Variants in LPAR1 observed in about 807,000 individuals in gnomAD.
The protein encoded by LPAR1 is lysophosphatidic acid receptor 1, also known as LPA receptor 1.
In LPAR1, 5 loss-of-function variants were observed where a neutral mutation model predicts 23.8. That is an observed-to-expected ratio of 0.21 (90% confidence interval 0.11 to 0.44). The LOEUF (loss-of-function observed/expected upper bound fraction) is 0.44, where lower values mean the gene tolerates loss of function less well. LPAR1 is among the 20% of genes least tolerant of loss of function. LPAR1 has a pLI of 0.99. For missense variants in LPAR1, 311 were observed against 482.8 expected (o/e 0.64, Z 3.33); for synonymous variants, 160 against 164.7 (o/e 0.97, Z 0.22).
chr9:110,916,633 C>T (rs1345179985), intron 5 of LPAR1, among the ~76,000 whole-genome samples: 1 of 151,938 alleles, frequency 6.6e-6, no homozygotes, highest in African/African-American at 2.4e-5. Context: ...TTGGGTTGGC[C>T]ATACTTTTTT....
intron 2 of LPAR1, among the ~76,000 whole-genome samples, chr9:111,001,541 A>G (rs1188360321): frequency 6.6e-6 from 1 of 152,198 alleles, no homozygotes; most frequent in African/African-American, 2.4e-5. Flanking sequence ...AAAAGGAAAA[A>G]TATACCTAAT....
chr9:111,010,664 C>T (rs1057065815), intron 2 of LPAR1, among the ~76,000 whole-genome samples: 5 of 152,024 alleles, frequency 3.3e-5, no homozygotes, highest in Admixed American at 6.6e-5. Context: ...TTTTTTGGTA[C>T]CCTACCCTTG....
intron 2 of LPAR1, among the ~76,000 whole-genome samples, chr9:110,989,326 G>C (rs1413723058): frequency 2.0e-5 from 3 of 152,118 alleles, no homozygotes; most frequent in Admixed American, 6.6e-5. Context: ...TGGGAATACA[G>C]GCACATGCCA....
chr9:110,984,803 G>GA (rs574292244), intron 2 of LPAR1, among the ~76,000 whole-genome samples: 18,181 of 142,646 alleles, frequency 0.13, 1,167 homozygotes, highest in Middle Eastern at 0.16. Flanking sequence ...TAACTAATAG[G>GA]AAAAAAAAAA....
chr9:111,013,811 C>T (rs534793600), intron 2 of LPAR1, among the ~76,000 whole-genome samples: 1 of 152,246 alleles, frequency 6.6e-6, no homozygotes, highest in African/African-American at 2.4e-5. Context: ...TTGCAAACAA[C>T]TCAATCATCA....
intron 4 of LPAR1, among the ~76,000 whole-genome samples, chr9:110,964,295 A>C (rs1564184592): frequency 6.6e-6 from 1 of 151,718 alleles, no homozygotes; most frequent in East Asian, 1.9e-4. Context: ...TTTTTAAAAA[A>C]TAAAAATAAA....
rs895702351 is a variant in LPAR1 at position 110,874,666 on chromosome 9, A to G, written c.*755T>C. 1.3e-5 allele frequency: 2 copies of G among 152,642 alleles called. No individual in the cohort carries two copies. The highest frequency in any genetic ancestry group is 4.8e-5 in the African/African-American group (2 of 41,452). The allele number at this position is 152,642 out of a possible 1,614,324, so 9.5% of individuals were successfully genotyped here. A position where few individuals can be genotyped will look rare whatever the true frequency, so the allele number is the denominator to read the frequency against. On this transcript the variant is annotated 3_prime_UTR_variant, in exon 6 of 6. Transcript: ENST00000683809. ...CTTCTATGACTTTTTTGGAATACAT[A>G]TCACTTTGGTAATAAACTTACATTC...
intron 2 of LPAR1, among the ~76,000 whole-genome samples, chr9:110,998,354 T>C (rs1319762775): frequency 1.3e-5 from 2 of 152,210 alleles, no homozygotes; most frequent in African/African-American, 2.4e-5. Flanking sequence ...ATAAATAAAT[T>C]GGACTTTCAT....
chr9:110,913,867 G>A (rs1215850583), intron 5 of LPAR1, among the ~76,000 whole-genome samples: 1 of 152,200 alleles, frequency 6.6e-6, no homozygotes, highest in Non-Finnish European at 1.5e-5. Context: ...CATGCTCAAA[G>A]AGGAGAGAAC....
At chr9:110,883,837 T>C (rs76887292) in intron 5 of LPAR1, among the ~76,000 whole-genome samples, 11,706 of 152,244 alleles carry the variant, frequency 0.077, 482 homozygotes, top group African/African-American at 0.1. Context: ...ATCGAACCCA[T>C]TGATTTCTAG....
intron 5 of LPAR1, among the ~76,000 whole-genome samples, chr9:110,933,858 T>C (rs909430876): frequency 6.6e-6 from 1 of 152,176 alleles, no homozygotes. Context: ...TGTGGTATTT[T>C]TGGTTTCTGT....
At chr9:111,034,001 G>A (rs1260754797) in intron 2 of LPAR1, among the ~76,000 whole-genome samples, 1 of 152,224 alleles carries the variant, frequency 6.6e-6, no homozygotes, top group Non-Finnish European at 1.5e-5. Context: ...GAGCAAGTGT[G>A]AACCTATAAA....
intron 4 of LPAR1, among the ~76,000 whole-genome samples, chr9:110,958,820 C>A (rs2095847149): frequency 2.0e-5 from 3 of 147,582 alleles, no homozygotes; most frequent in Admixed American, 6.8e-5. Context: ...GTATAATATC[C>A]AGAGTATACA....
chr9:111,003,979 G>A (rs1396031188), intron 2 of LPAR1, among the ~76,000 whole-genome samples: 1 of 152,128 alleles, frequency 6.6e-6, no homozygotes, highest in Non-Finnish European at 1.5e-5. Context: ...TAGTGTCAAA[G>A]TCACATTAAC....
At chr9:111,021,660 T>C (rs1416737053) in intron 2 of LPAR1, among the ~76,000 whole-genome samples, 1 of 152,178 alleles carries the variant, frequency 6.6e-6, no homozygotes, top group Non-Finnish European at 1.5e-5. Context: ...AACTATGATA[T>C]AAAGTCTTAA....
chr9:110,999,152 C>T (rs932736868), intron 2 of LPAR1, among the ~76,000 whole-genome samples: 2 of 152,106 alleles, frequency 1.3e-5, no homozygotes, highest in African/African-American at 2.4e-5. Context: ...ATGATGTCAG[C>T]CCCAACTCCC....
intron 2 of LPAR1, among the ~76,000 whole-genome samples, chr9:110,977,866 A>G (rs989337357): frequency 1.5e-4 from 21 of 138,710 alleles, no homozygotes; most frequent in Admixed American, 7.2e-5. Flanking sequence ...GAAGGAAGGA[A>G]GGAAGGAAGG....
At chr9:110,960,014 G>A (rs572910923) in intron 4 of LPAR1, among the ~76,000 whole-genome samples, 1 of 152,278 alleles carries the variant, frequency 6.6e-6, no homozygotes, top group South Asian at 2.1e-4. Flanking sequence ...ATGGGGAGGT[G>A]AGGATAAAGA....
At chr9:111,031,946 G>A (rs185929301) in intron 2 of LPAR1, among the ~76,000 whole-genome samples, 10 of 152,292 alleles carry the variant, frequency 6.6e-5, no homozygotes, top group African/African-American at 1.4e-4. Flanking sequence ...ATATGCCTGA[G>A]TTTGAAGGCA....
Sources: gnomAD v4.1 joint callset for allele counts (sites outside exome capture counted in the v4.1 genomes callset) on GRCh38, gnomAD v4.1.1 for gene constraint, MANE v1.5 for transcripts, NCBI Gene and HGNC (gene_info 2026-07-23, HGNC 2026-07-21) for gene names.